The following AKR7A3 variants were observed in gnomAD, a reference collection of about 807,000 sequenced individuals.
AKR7A3 encodes the protein AFB1 aldehyde reductase 2.
A neutral mutation model predicts 32.5 loss-of-function variants in AKR7A3; 37 were observed. The ratio of observed to expected loss-of-function variants is 1.14; its 90% CI spans 0.88 to 1.50. The LOEUF (loss-of-function observed/expected upper bound fraction) is 1.50. AKR7A3 is among the 40% of genes most tolerant of loss of function. AKR7A3 has a pLI of 0.00. For synonymous variants in AKR7A3, 177 were observed against 188.4 expected, an observed-to-expected ratio of 0.94 and a Z score of 0.50; for missense variants, 412 against 453.2, an observed-to-expected ratio of 0.91 and a Z score of 0.83.
downstream of AKR7A3, among the ~76,000 whole-genome samples, chr1:19,280,990 T>C (rs2093718027): frequency 6.6e-6 from 1 of 151,942 alleles, no homozygotes; most frequent in Admixed American, 6.5e-5. Flanking sequence ...TCTAGCCTTA[T>C]GCTAGGACCA....
rs757311716 is a variant in AKR7A3 at position 19,284,073 on chromosome 1, G to T, written c.757C>A (p.Gln253Lys). 2.5e-6 allele frequency: 4 copies of T among 1,613,680 alleles called. No homozygotes were observed. Among genetic ancestry groups the T allele is most frequent in the Non-Finnish European group, 3.4e-6 (4 of 1,179,848 alleles). ...GGGGCGCTGGCGCCATACGCGGCCT[G>T]CAGGGCCTTCTCCACCAGGGCAATG... Reference protein sequence around the residue: ...EGIALVEKALQAAYGASAPSM... With the variant: ...EGIALVEKALKAAYGASAPSM... Residue 253 changes from glutamine to lysine, a missense_variant, in exon 6 of 7, where the codon CAG becomes AAG. By Grantham distance (53) the Gln-to-Lys change is moderately conservative (BLOSUM62 1). Transcript: ENST00000361640.
At chr1:19,274,683 C>G in the AKR7A3 span, among the ~76,000 whole-genome samples, 1 of 151,354 alleles carries the variant, frequency 6.6e-6, no homozygotes, top group Non-Finnish European at 1.5e-5. Context: ...TGGTGGTTTA[C>G]GCCTGTAATC....
At chr1:19,283,555 C>A (rs558824348) in intron 6 of AKR7A3, among the ~76,000 whole-genome samples, 5 of 152,060 alleles carry the variant, frequency 3.3e-5, no homozygotes, top group African/African-American at 1.2e-4. Context: ...GAAGGCCGAG[C>A]GCAGGGGCTC....
chr1:19,280,696 G>A (rs770252451), downstream of AKR7A3, among the ~76,000 whole-genome samples: 19 of 151,216 alleles, frequency 1.3e-4, no homozygotes, highest in Non-Finnish European at 2.1e-4. Flanking sequence ...TCAGCCTCCC[G>A]AGTAGCTGGG....
chr1:19,285,253 T>C, intron 3 of AKR7A3, 139 bp from the exon 4 acceptor site: 1 of 816,320 alleles, frequency 1.2e-6, no homozygotes, highest in Non-Finnish European at 2.0e-6. Flanking sequence ...TTCTAACTGG[T>C]GCTGGTGAAA....
chr1:19,287,510 A>C (rs1423652009), intron 1 of AKR7A3, among the ~76,000 whole-genome samples: 1 of 151,808 alleles, frequency 6.6e-6, no homozygotes, highest in African/African-American at 2.4e-5. Flanking sequence ...ACAAACAAAC[A>C]GCTAACATTT....
chr1:19,284,002 C>T lies in AKR7A3; in HGVS notation c.828G>A (p.Gln276=), dbSNP rs772683849. 1.2e-5 allele frequency: 20 copies of T among 1,613,168 alleles called. No individual in the cohort carries two copies. The Admixed American group carries it at 3.2e-4, about 26-fold the overall frequency. ...ATLRWMYHHS[Q]LQGAHGDAVI... The stretch of plus-strand genomic sequence containing the variant: ...GCACAGGGTCACTGGTTACCTGCAG[C>T]TGTGAGTGGTGGTACATCCACCGGA... The change falls in exon 6 of 7, where the codon CAG becomes CAA. Residue 276 remains glutamine (Q), a synonymous_variant. Transcript: ENST00000361640.
chr1:19,288,282 A>G (rs1218513487), intron 1 of AKR7A3, among the ~76,000 whole-genome samples: 1 of 150,090 alleles, frequency 6.7e-6, no homozygotes, highest in African/African-American at 2.4e-5. Flanking sequence ...GAGAAGAGAG[A>G]CGAACAGAAG....
rs145436915 is a variant in AKR7A3, at chr1:19,284,772, G to A, written c.618C>T (p.Thr206=). 1.3e-4 allele frequency: 210 copies of A among 1,613,888 alleles called. 1 individual carries two copies. The South Asian group carries it at 1.6e-3, about 12-fold the overall frequency. Residue 206 remains threonine, a synonymous_variant, in exon 5 of 7, where the codon ACC becomes ACT. Coordinates refer to ENST00000361640, the MANE Select transcript of AKR7A3 (RefSeq NM_012067.3). ...AFNPLAGGLL[T]GKYKYEDKNG... ...TCTTGTCCTCATACTTGTACTTGCCGGTCAGCAGGCCCCCTGAGGGAAAGC... is the reference window on the plus strand; with the variant it reads ...TCTTGTCCTCATACTTGTACTTGCCAGTCAGCAGGCCCCCTGAGGGAAAGC...
chr1:19,284,866 G>C, intron 4 of AKR7A3, 81 bp from the exon 5 acceptor site: 3 of 1,577,444 alleles, frequency 1.9e-6, no homozygotes, highest in Non-Finnish European at 8.7e-7. Flanking sequence ...GTCTAGGGGA[G>C]GGGCAGGGAC....
In AKR7A3 at chr1:19,286,902, T is replaced by C. The variant is rs955159139; in HGVS notation, c.215-530A>G. Among the ~76,000 whole-genome samples, 6 of 151,768 alleles carry C rather than the reference T, an allele frequency of 4.0e-5. No individual in the cohort carries two copies. In the East Asian group the frequency reaches 7.7e-4, roughly 20 times the overall value. On this transcript the variant is annotated intron_variant, in intron 1 of 6. Coordinates refer to ENST00000361640, the MANE Select transcript of AKR7A3 (RefSeq NM_012067.3). The stretch of plus-strand genomic sequence containing the variant: ...CCACCACCACCCCTCTGCTTCTCAA[T>C]TGAATTTAACTTCAGATCAGATCTG...
At chr1:19,276,032 G>T in the AKR7A3 span, among the ~76,000 whole-genome samples, 16 of 151,918 alleles carry the variant, frequency 1.1e-4, no homozygotes, top group Admixed American at 2.6e-4. Flanking sequence ...TAGAACAGTT[G>T]TCAGTCATAA....
Position 19,285,233 on chromosome 1 carries a change from C to G in AKR7A3, c.508-119G>C, listed in dbSNP as rs549189730. 2.8e-4 allele frequency: 260 copies of G among 944,042 alleles called. 1 individual carries two copies. The highest frequency in any genetic ancestry group is 3.9e-4 in the Non-Finnish European group (238 of 616,660). 58.5% of individuals were successfully genotyped at this position (944,042 alleles called of 1,614,324 possible). A position where few individuals can be genotyped will look rare whatever the true frequency, so the allele number is the denominator to read the frequency against. On this transcript the variant is annotated intron_variant, in intron 3 of 6. Transcript: ENST00000361640. Reference sequence around the variant, plus strand: ...AATTCTAGGACTTTAACCGTCTGGGCGTATACTTATTCTAACTGGTGCTGG... The same window carrying G: ...AATTCTAGGACTTTAACCGTCTGGGGGTATACTTATTCTAACTGGTGCTGG...
chr1:19,288,502 A>C lies in AKR7A3; in HGVS notation c.208T>G (p.Cys70Gly). Reference protein sequence around the residue: ...GLGLRLGGSDCRVKIDTKAIP... With the variant: ...GLGLRLGGSDGRVKIDTKAIP... ...GATCAGGGGCCACTGTTACCTCTGC[A>C]GTCGCTGCCGCCCAGCCGGAGCCCC... Residue 70 changes from cysteine to glycine, a missense_variant, in exon 1 of 7, where the codon TGC (cysteine) becomes GGC (glycine). By Grantham distance (159) the Cys-to-Gly change is radical. Coordinates refer to ENST00000361640, the MANE Select transcript of AKR7A3 (RefSeq NM_012067.3). 6.2e-7 allele frequency: 1 copy of C among 1,610,572 alleles called. No homozygotes were observed. The highest frequency in any genetic ancestry group is 8.5e-7 in the Non-Finnish European group (1 of 1,179,396).
intron 3 of AKR7A3, among the ~76,000 whole-genome samples, 172 bp from the exon 4 acceptor site, chr1:19,285,286 T>G (rs1372001618): frequency 6.6e-6 from 1 of 151,970 alleles, no homozygotes; most frequent in Non-Finnish European, 1.5e-5. Flanking sequence ...CATGGAAAAT[T>G]CATTCATTCT....
chr1:19,274,567 C>G, the AKR7A3 span, among the ~76,000 whole-genome samples: 3 of 151,676 alleles, frequency 2.0e-5, no homozygotes, highest in African/African-American at 4.9e-5. Flanking sequence ...ACCAAAGGCT[C>G]AAAACAGCGT....
downstream of AKR7A3, among the ~76,000 whole-genome samples, chr1:19,281,383 A>C (rs760218156): frequency 1.3e-5 from 2 of 151,822 alleles, no homozygotes; most frequent in Admixed American, 6.5e-5. Flanking sequence ...CATGCCTGTA[A>C]TCCCAGCATT....
chr1:19,285,224 C>T, intron 3 of AKR7A3, 110 bp from the exon 4 acceptor site: 1 of 1,046,676 alleles, frequency 9.6e-7, no homozygotes, highest in Non-Finnish European at 1.4e-6. Flanking sequence ...AGGACTTTAA[C>T]CGTCTGGGCG....
Position 19,286,174 on chromosome 1 carries a change from G to C in AKR7A3, c.402+11C>G. The C allele has an allele frequency of 6.2e-7, 1 of 1,612,202 alleles. No homozygotes were observed. The highest frequency in any genetic ancestry group is 1.1e-5 in the South Asian group (1 of 91,012). ...AGTGGACCACCTCCCAGAGCTCAGG[G>C]GTCCCCTCACCTCCTGGTGCAGCTG... is the stretch of plus-strand genomic sequence containing the variant. On this transcript the variant is annotated intron_variant, in intron 2 of 6. Coordinates refer to ENST00000361640, the MANE Select transcript of AKR7A3 (RefSeq NM_012067.3).
Sources: allele counts gnomAD v4.1 joint callset (sites outside exome capture counted in the v4.1 genomes callset), GRCh38; gene constraint gnomAD v4.1.1; transcripts MANE v1.5; gene names NCBI Gene and HGNC (gene_info 2026-07-23, HGNC 2026-07-21).